The following NEO1 variants were observed in gnomAD, a reference collection of about 807,000 sequenced individuals.
The protein encoded by NEO1 is neogenin 1, also known as neogenin.
In NEO1, 63 loss-of-function variants were observed where a neutral mutation model predicts 159.7. The observed-to-expected ratio is 0.39, with a 90% CI of 0.32 to 0.49. The LOEUF is 0.49. Among genes scored for constraint, NEO1 ranks in the 20% least tolerant of loss-of-function variants. The probability of loss-of-function intolerance (pLI) is 0.85; values close to 1 mark genes in which losing one functional copy is unlikely to be tolerated. For missense variants in NEO1, 1,615 were observed against 1,831.0 expected (o/e 0.88, Z 2.15); for synonymous variants, 633 against 662.0 (o/e 0.96, Z 0.67).
intron 5 of NEO1, among the ~76,000 whole-genome samples, chr15:73,155,536 G>C (rs944336000): frequency 6.6e-6 from 1 of 152,136 alleles, no homozygotes; most frequent in Non-Finnish European, 1.5e-5. Context: ...GTTTTCATCA[G>C]TTGTTTCCTT....
intron 4 of NEO1, among the ~76,000 whole-genome samples, chr15:73,130,312 C>CCCCCG: frequency 6.7e-6 from 1 of 149,136 alleles, no homozygotes; most frequent in East Asian, 2.0e-4. Context: ...TTTCCCGCCC[C>CCCCCG]CCCCGCCGCA....
chr15:73,095,471 T>C (rs1449722301), intron 1 of NEO1, among the ~76,000 whole-genome samples: 1 of 152,188 alleles, frequency 6.6e-6, no homozygotes, highest in Non-Finnish European at 1.5e-5. Flanking sequence ...CATTAGGAGT[T>C]GCAAAATAGT....
At chr15:73,059,285 T>TTG (rs2067865088) in intron 1 of NEO1, among the ~76,000 whole-genome samples, 1 of 152,232 alleles carries the variant, frequency 6.6e-6, no homozygotes, top group African/African-American at 2.4e-5. Context: ...TTTTACTGAA[T>TTG]GAAGTCAGTT....
In NEO1 at chr15:73,085,703, T is replaced by C. The variant is rs540914509; in HGVS notation, c.131-30837T>C. ...TTTAGTGATGTCTCATAGTTTTAAA[T>C]TGCATTTCCCTAATGACTGATGATG... On this transcript the variant is annotated intron_variant, in intron 1 of 28. Transcript: ENST00000261908. Among the ~76,000 whole-genome samples the C allele has an allele frequency of 2.0e-5, 3 of 152,320 alleles. No homozygotes were observed. In the South Asian group the frequency reaches 6.2e-4, roughly 32 times the overall value.
chr15:73,112,448 A>T (rs961430517), intron 1 of NEO1, among the ~76,000 whole-genome samples: 1 of 152,148 alleles, frequency 6.6e-6, no homozygotes, highest in Non-Finnish European at 1.5e-5. Flanking sequence ...TTAATGCAAT[A>T]AAGTAAAACA....
At chr15:73,132,032 C>CTGGCAGGTTCTTTTGCTATACCATTT (rs2031197068) in intron 4 of NEO1, among the ~76,000 whole-genome samples, 1 of 152,210 alleles carries the variant, frequency 6.6e-6, no homozygotes, top group Non-Finnish European at 1.5e-5. Flanking sequence ...CCCTAATTTC[C>CTGGCAGGTTCTTTTGCTATACCATTT]TGGCAGGTTC....
Position 73,274,334 on chromosome 15 carries a change from G to T in NEO1, c.3160+329G>T, listed in dbSNP as rs371728131. On this transcript the variant is annotated intron_variant, in intron 20 of 28. Coordinates refer to ENST00000261908, the MANE Select transcript of NEO1 (RefSeq NM_002499.4). ...TTCCCATATAGAGAAAGAGTAGTGT[G>T]TTCTTGTGATGGATAGTTCAACTCA... Among the ~76,000 whole-genome samples the T allele has an allele frequency of 6.6e-5, 10 of 152,306 alleles. No homozygotes were observed. The East Asian group carries it at 9.6e-4, about 15-fold the overall frequency.
intron 23 of NEO1, among the ~76,000 whole-genome samples, chr15:73,286,100 T>G (rs2041937568): frequency 7.6e-6 from 1 of 131,004 alleles, no homozygotes; most frequent in Admixed American, 8.2e-5. Flanking sequence ...ATGGTCCTTT[T>G]CACCGGCTGC....
At chr15:73,245,142 C>A (rs1194190052) in intron 9 of NEO1, among the ~76,000 whole-genome samples, 1 of 151,856 alleles carries the variant, frequency 6.6e-6, no homozygotes, top group Admixed American at 6.6e-5. Context: ...CACGTTTTTC[C>A]TTCAGTTATG....
intron 1 of NEO1, among the ~76,000 whole-genome samples, chr15:73,067,529 A>C (rs571440964): frequency 6.6e-6 from 1 of 151,312 alleles, no homozygotes; most frequent in African/African-American, 2.4e-5. Flanking sequence ...GGCTCACTGC[A>C]AACTCTGCCT....
chr15:73,268,160 A>G (rs907581199), intron 16 of NEO1, among the ~76,000 whole-genome samples: 13 of 152,272 alleles, frequency 8.5e-5, no homozygotes, highest in Admixed American at 5.9e-4. Flanking sequence ...TCTGTCTTCT[A>G]TATGCTTACA....
At chr15:73,168,746 TG>T (rs2034758216) in intron 5 of NEO1, among the ~76,000 whole-genome samples, 5 of 152,142 alleles carry the variant, frequency 3.3e-5, no homozygotes, top group African/African-American at 1.2e-4. Context: ...TCTCAAGAAA[TG>T]TCAGAGGATT....
At chr15:73,099,599 T>C (rs1277125492) in intron 1 of NEO1, among the ~76,000 whole-genome samples, 1 of 152,228 alleles carries the variant, frequency 6.6e-6, no homozygotes, top group Non-Finnish European at 1.5e-5. Flanking sequence ...TGGGATTTCA[T>C]AAATATTACT....
intron 1 of NEO1, among the ~76,000 whole-genome samples, chr15:73,085,465 AT>A: frequency 6.6e-6 from 1 of 152,116 alleles, no homozygotes; most frequent in Non-Finnish European, 1.5e-5. Flanking sequence ...TTGCGTCAAC[AT>A]GTTTTCATTT....
At chr15:73,256,524 G>A (rs2040358675) in intron 13 of NEO1, among the ~76,000 whole-genome samples, 1 of 152,088 alleles carries the variant, frequency 6.6e-6, no homozygotes, top group Admixed American at 6.6e-5. Context: ...GTTTTTACTT[G>A]TTTATGGGTA....
intron 7 of NEO1, among the ~76,000 whole-genome samples, chr15:73,185,637 C>A (rs965579539): frequency 6.6e-6 from 1 of 152,076 alleles, no homozygotes. Flanking sequence ...GATGTTTACC[C>A]AGATGAGTTG....
intron 7 of NEO1, among the ~76,000 whole-genome samples, chr15:73,185,981 C>T (rs1209950237): frequency 1.3e-5 from 2 of 151,152 alleles, no homozygotes; most frequent in African/African-American, 4.9e-5. Flanking sequence ...TCAGACAACC[C>T]CCAAGCAAAC....
chr15:73,301,263 C>A, intron 27 of NEO1, 58 bp from the exon 28 acceptor site: 1 of 1,608,336 alleles, frequency 6.2e-7, no homozygotes, highest in Non-Finnish European at 8.5e-7. Context: ...TTAGGGCCTT[C>A]ATGAGGTCTA....
chr15:73,126,723 A>G (rs2030303145), intron 4 of NEO1, 153 bp downstream of exon 4: 1 of 569,440 alleles, frequency 1.8e-6, no homozygotes. Context: ...TTCATATGAT[A>G]TATATGATGA....
Sources: allele counts gnomAD v4.1 joint callset (sites outside exome capture counted in the v4.1 genomes callset), GRCh38; gene constraint gnomAD v4.1.1; transcripts MANE v1.5; gene names NCBI Gene and HGNC (gene_info 2026-07-23, HGNC 2026-07-21).